SNRNP40: variants seen among roughly 807,000 people sequenced by gnomAD.
SNRNP40 encodes U5 small nuclear ribonucleoprotein 40 kDa protein.
In SNRNP40, 21 loss-of-function variants were observed where a neutral mutation model predicts 45.8. That is an observed-to-expected ratio of 0.46 (90% CI 0.32 to 0.66). The LOEUF is 0.66. SNRNP40 is among the 30% of genes least tolerant of loss of function. The pLI is 0.03. For synonymous variants in SNRNP40, 142 were observed against 163.8 expected (o/e 0.87, Z 1.01); for missense variants, 344 against 439.1 (o/e 0.78, Z 1.94).
chr1:31,273,401 G>A (rs1271090370), intron 5 of SNRNP40, among the ~76,000 whole-genome samples: 1 of 152,040 alleles, frequency 6.6e-6, no homozygotes, highest in African/African-American at 2.4e-5. Flanking sequence ...CAGCACTTTG[G>A]GAGGCCAAGG....
At chr1:31,281,229 G>T in intron 5 of SNRNP40, 145 bp downstream of exon 5, 1 of 598,322 alleles carries the variant, frequency 1.7e-6, no homozygotes, top group South Asian at 2.6e-5. Flanking sequence ...AATGAAGACA[G>T]GAGAAAAAGA....
At chr1:31,288,978 G>A (rs556680768) in intron 4 of SNRNP40, among the ~76,000 whole-genome samples, 1 of 152,258 alleles carries the variant, frequency 6.6e-6, no homozygotes, top group South Asian at 2.1e-4. Context: ...TGATCCACCC[G>A]CCTCGGCCTC....
intron 1 of SNRNP40, among the ~76,000 whole-genome samples, chr1:31,294,059 A>G (rs905703340): frequency 2.6e-5 from 4 of 151,702 alleles, no homozygotes; most frequent in African/African-American, 9.7e-5. Flanking sequence ...TCTGGGTTCA[A>G]GGGATCTGGT....
At chr1:31,270,917 C>T (rs1645933451) in intron 6 of SNRNP40, among the ~76,000 whole-genome samples, 1 of 152,028 alleles carries the variant, frequency 6.6e-6, no homozygotes, top group South Asian at 2.1e-4. Flanking sequence ...CGTGTAAATC[C>T]AGAATGTTTT....
intron 8 of SNRNP40, among the ~76,000 whole-genome samples, chr1:31,266,969 T>C (rs926903770): frequency 6.6e-6 from 1 of 152,162 alleles, no homozygotes; most frequent in Non-Finnish European, 1.5e-5. Context: ...TAAGATGTAA[T>C]AAATGCTACC....
In SNRNP40 at chr1:31,289,254, C is replaced by A. The variant is rs942086622; in HGVS notation, c.531G>T (p.Lys177Asn). Residue 177 changes from lysine (K) to asparagine (N), a missense_variant and splice_region_variant, in exon 4 of 10, where the codon AAG becomes AAT. Coordinates refer to ENST00000263694, the MANE Select transcript of SNRNP40 (RefSeq NM_004814.3). ...TGGAACACGGAGAGACAATACCCAC[C>A]TTAACTGTGCCATCGTCACTGCCAG... The part of the protein sequence containing the change: ...VCTGSDDGTV[K>N]LWDIRKKAAI... The A allele has an allele frequency of 2.5e-6, 4 of 1,613,844 alleles. No individual in the cohort carries two copies. Among genetic ancestry groups the A allele is most frequent in the Admixed American group, 1.7e-5 (1 of 59,994 alleles).
In SNRNP40 at chr1:31,293,247, T is replaced by C; in HGVS notation, c.243A>G (p.Leu81=). ...CCKFHPNGST[L]ASAGFDRLIL... is the part of the protein sequence containing the mutation. ...TCAGTCGGTCAAATCCTGCAGATGC[T>C]AAGGTGGATCCGTTGGGGTGGAACT... Residue 81 remains leucine, a synonymous_variant, in exon 2 of 10, where the codon TTA becomes TTG. Coordinates refer to ENST00000263694, the MANE Select transcript of SNRNP40 (RefSeq NM_004814.3). The C allele has an allele frequency of 6.2e-7, 1 of 1,614,066 alleles. No homozygotes were observed. The highest frequency in any genetic ancestry group is 8.5e-7 in the Non-Finnish European group (1 of 1,179,992).
At chr1:31,263,974 G>A (rs1645878853) in intron 8 of SNRNP40, among the ~76,000 whole-genome samples, 1 of 151,544 alleles carries the variant, frequency 6.6e-6, no homozygotes, top group Non-Finnish European at 1.5e-5. Flanking sequence ...TCATTAAAGG[G>A]TAAAGTATAG....
chr1:31,275,683 C>T (rs1253020970), intron 5 of SNRNP40, among the ~76,000 whole-genome samples: 2 of 152,168 alleles, frequency 1.3e-5, no homozygotes, highest in Admixed American at 1.3e-4. Flanking sequence ...AGCCACAGTG[C>T]CTGGCCATCA....
chr1:31,272,364 G>C (rs1276891474), intron 5 of SNRNP40, among the ~76,000 whole-genome samples: 1 of 152,088 alleles, frequency 6.6e-6, no homozygotes, highest in South Asian at 2.1e-4. Context: ...TATAGGAAAC[G>C]TAAGATACAG....
intron 5 of SNRNP40, among the ~76,000 whole-genome samples, chr1:31,278,731 C>T (rs1385305782): frequency 6.6e-6 from 1 of 152,142 alleles, no homozygotes; most frequent in Non-Finnish European, 1.5e-5. Context: ...ATGGGGGATA[C>T]TGTACAGCTA....
intron 1 of SNRNP40, among the ~76,000 whole-genome samples, chr1:31,294,249 C>T (rs1057422569): frequency 8.5e-5 from 13 of 152,144 alleles, no homozygotes; most frequent in African/African-American, 3.1e-4. Context: ...TGAGCCACTG[C>T]ACCTGGCCTA....
chr1:31,262,563 A>G (rs1398307879), intron 8 of SNRNP40, among the ~76,000 whole-genome samples: 1 of 148,636 alleles, frequency 6.7e-6, no homozygotes, highest in Non-Finnish European at 1.5e-5. Context: ...AAAAGAAATC[A>G]GCTTCTCTAA....
At chr1:31,270,728 A>C (rs567476102) in intron 6 of SNRNP40, among the ~76,000 whole-genome samples, 133 of 152,338 alleles carry the variant, frequency 8.7e-4, no homozygotes, top group African/African-American at 3.1e-3. Flanking sequence ...TTGTTACAAA[A>C]TGTCAGGGAA....
intron 4 of SNRNP40, among the ~76,000 whole-genome samples, chr1:31,283,003 T>C (rs895513300): frequency 1.5e-4 from 23 of 152,092 alleles, no homozygotes; most frequent in Non-Finnish European, 5.9e-5. Flanking sequence ...ACCACTTGCA[T>C]GTCCAGGGCT....
chr1:31,274,290 G>A (rs938432671), intron 5 of SNRNP40, among the ~76,000 whole-genome samples: 4 of 152,116 alleles, frequency 2.6e-5, no homozygotes, highest in East Asian at 1.9e-4. Context: ...AGGCTGGAGT[G>A]CAGTGGTGCA....
At chr1:31,276,544 TG>T (rs756503159) in intron 5 of SNRNP40, among the ~76,000 whole-genome samples, 1 of 128,962 alleles carries the variant, frequency 7.8e-6, no homozygotes, top group Non-Finnish European at 1.7e-5. Context: ...GCATCAAAGG[TG>T]GGGGTGGGGG....
intron 9 of SNRNP40, 70 bp downstream of exon 9, chr1:31,261,459 A>C: frequency 1.0e-6 from 1 of 989,426 alleles, no homozygotes. Context: ...CCCGCTTTTG[A>C]CTCTCTATTC....
rs749303276 is a variant in SNRNP40, at chr1:31,271,481, T to A, written c.673A>T (p.Asn225Tyr). ...NDIKVWDLRQNKLTYTMRGHA... is the reference protein window; with the variant it reads ...NDIKVWDLRQYKLTYTMRGHA... ...CCTCTCATGGTGTAGGTTAGCTTGTTCTGGCGCAGGTCCCAGACCTGCAAA... is the reference window on the plus strand; with the variant it reads ...CCTCTCATGGTGTAGGTTAGCTTGTACTGGCGCAGGTCCCAGACCTGCAAA... The change falls in exon 6 of 10, where the codon AAC (asparagine) becomes TAC (tyrosine). Residue 225 changes from asparagine to tyrosine, a missense_variant. Around this residue, in one of 2 missense-constraint regions of SNRNP40, gnomAD observed 254 missense variants for 380.2 expected, o/e 0.67. Coordinates refer to ENST00000263694, the MANE Select transcript of SNRNP40 (RefSeq NM_004814.3). The A allele has an allele frequency of 6.2e-7, 1 of 1,613,408 alleles. No homozygotes were observed. Among genetic ancestry groups the A allele is most frequent in the Non-Finnish European group, 8.5e-7 (1 of 1,179,844 alleles).
Sources: gnomAD v4.1 joint callset for allele counts (sites outside exome capture counted in the v4.1 genomes callset) on GRCh38, gnomAD v4.1.1 for gene constraint, gnomAD v4.1.1 regional missense constraint, MANE v1.5 for transcripts, NCBI Gene and HGNC (gene_info 2026-07-23, HGNC 2026-07-21) for gene names.